NFKB1: variants seen among roughly 807,000 people sequenced by gnomAD.
The protein encoded by NFKB1 is nuclear factor kappa B subunit 1.
A neutral mutation model predicts 105.1 loss-of-function variants in NFKB1; 9 were observed. The observed-to-expected ratio is 0.09, with a 90% CI of 0.05 to 0.15. The LOEUF is 0.15. Among genes scored for constraint, NFKB1 ranks in the 10% least tolerant of loss-of-function variants. The probability of loss-of-function intolerance (pLI) is 1.00; values close to 1 mark genes in which losing one functional copy is unlikely to be tolerated. For synonymous variants in NFKB1, 440 were observed against 442.2 expected, an observed-to-expected ratio of 1.00 and a Z score of 0.06; for missense variants, 830 against 1,203.7, an observed-to-expected ratio of 0.69 and a Z score of 4.59.
intron 6 of NFKB1, among the ~76,000 whole-genome samples, chr4:102,567,494 C>T (rs1304433574): frequency 1.3e-5 from 2 of 152,134 alleles, no homozygotes; most frequent in African/African-American, 2.4e-5. Flanking sequence ...TTTAAAGAAA[C>T]ATAACTATAG....
Position 102,529,884 on chromosome 4 carries a change from G to A in NFKB1, c.88G>A (p.Val30Ile), listed in dbSNP as rs899498254. 10 of 1,610,592 alleles carry A rather than the reference G, an allele frequency of 6.2e-6. No homozygotes were observed. The African/African-American group carries it at 9.4e-5, about 15-fold the overall frequency. Residue 30 changes from valine to isoleucine, a missense_variant, in exon 3 of 24, where the codon GTA becomes ATA. Val to Ile is a conservative substitution (Grantham distance 29, BLOSUM62 3). Transcript: ENST00000226574. ...SLTHTIFNPE[V>I]FQPQMALPTA... ...GACTCATACAATATTTAATCCAGAA[G>A]TATTTCAACCACAGATGGCACTGCC...
At position 102,616,728 on chromosome 4, in the gene NFKB1, A is replaced by G. The variant is rs1728977307; in HGVS notation, c.*134A>G. ...CCTGAATCATTCTCGATTTAACTCG[A>G]GACCTTTTCAACTTGGCTTCCTTTC... On this transcript the variant is annotated 3_prime_UTR_variant, in exon 24 of 24. Coordinates refer to ENST00000226574, the MANE Select transcript of NFKB1 (RefSeq NM_003998.4). 2 of 896,906 alleles carry G rather than the reference A, an allele frequency of 2.2e-6. No homozygotes were observed. Among genetic ancestry groups the G allele is most frequent in the Non-Finnish European group, 3.3e-6 (2 of 610,382 alleles). 55.6% of individuals were successfully genotyped at this position (896,906 alleles called of 1,614,324 possible).
rs572020456 is a variant in NFKB1 at position 102,565,153 on chromosome 4, TA to T, written c.259-1831del. On this transcript the variant is annotated intron_variant, in intron 5 of 23. Transcript: ENST00000226574. ...TTTATACCCAGAGTTTTTTTTTTTT[TA>T]AATGTTATACCTGTTTAAGAAATTT... Among the ~76,000 whole-genome samples, 400 of 142,884 alleles carry T rather than the reference TA, an allele frequency of 2.8e-3. 1 individual carries two copies. The highest frequency in any genetic ancestry group is 9.0e-3 in the African/African-American group (342 of 38,080). 93.7% of individuals were successfully genotyped at this position (142,884 alleles called of 152,430 possible).
At chr4:102,507,384 A>G (rs151151954) in intron 1 of NFKB1, among the ~76,000 whole-genome samples, 1 of 152,316 alleles carries the variant, frequency 6.6e-6, no homozygotes, top group African/African-American at 2.4e-5. Flanking sequence ...AAATGTATGG[A>G]CAATTCATGC....
intron 5 of NFKB1, among the ~76,000 whole-genome samples, chr4:102,554,745 C>T (rs1722859627): frequency 6.6e-6 from 1 of 152,066 alleles, no homozygotes; most frequent in South Asian, 2.1e-4. Flanking sequence ...AATGTGAGAT[C>T]ACACAGGGCC....
intron 5 of NFKB1, among the ~76,000 whole-genome samples, chr4:102,550,119 T>C (rs1722461920): frequency 6.6e-6 from 1 of 152,162 alleles, no homozygotes; most frequent in Admixed American, 6.6e-5. Context: ...CGTGGATTCT[T>C]TTGTTATTCA....
At position 102,501,494 on chromosome 4, in the gene NFKB1, C is replaced by A. The variant is rs530705685; in HGVS notation, c.-302C>A. 6.7e-6 allele frequency: 1 copy of A among 150,044 alleles called. No homozygotes were observed. Among genetic ancestry groups the A allele is most frequent in the South Asian group, 2.1e-4 (1 of 4,864 alleles). The allele number at this position is 150,044 out of a possible 1,614,324, so 9.3% of individuals were successfully genotyped here. On this transcript the variant is annotated 5_prime_UTR_variant, in exon 1 of 24. Coordinates refer to ENST00000226574, the MANE Select transcript of NFKB1 (RefSeq NM_003998.4). ...GCAGCCCTCGGCCTGCACGCAGCCA[C>A]CGGCCCCGCTCCCGGAGCCCAGCGC...
At chr4:102,616,368 A>G (rs1728940700) in intron 23 of NFKB1, 66 bp from the exon 24 acceptor site, 2 of 1,567,294 alleles carry the variant, frequency 1.3e-6, no homozygotes. Context: ...AGTTGTCCAC[A>G]GAATAGTCCA....
rs916302820 is a variant in NFKB1, at chr4:102,517,136, G to T, written c.-7-8376G>T. Among the ~76,000 whole-genome samples, 79 of 152,168 alleles carry T rather than the reference G, an allele frequency of 5.2e-4. 4 individuals carry two copies. The highest frequency in any genetic ancestry group is 1.5e-5 in the Non-Finnish European group (1 of 68,036). ...GATGACCCCTATGTAGATTTCTGAG[G>T]CTCTTGCTTTTTGTGTAAAGCCTTT... On this transcript the variant is annotated intron_variant, in intron 1 of 23. Coordinates refer to ENST00000226574, the MANE Select transcript of NFKB1 (RefSeq NM_003998.4).
chr4:102,504,855 G>A (rs2149092620), intron 1 of NFKB1, among the ~76,000 whole-genome samples: 1 of 152,292 alleles, frequency 6.6e-6, no homozygotes, highest in South Asian at 2.1e-4. Flanking sequence ...AGTCCTGCAA[G>A]TCAGTTTGGC....
At chr4:102,566,922 T>A in intron 5 of NFKB1, 65 bp from the exon 6 acceptor site, 1 of 1,544,606 alleles carries the variant, frequency 6.5e-7, no homozygotes, top group Non-Finnish European at 8.9e-7. Flanking sequence ...TGGCTTATCA[T>A]AAACATGTTT....
At chr4:102,551,538 A>G (rs779247355) in intron 5 of NFKB1, among the ~76,000 whole-genome samples, 22 of 152,298 alleles carry the variant, frequency 1.4e-4, no homozygotes, top group Non-Finnish European at 2.6e-4. Flanking sequence ...CTGCTATCTC[A>G]GTCACCGTAA....
chr4:102,549,391 TTATA>T (rs1364121984), intron 5 of NFKB1, among the ~76,000 whole-genome samples: 1 of 148,488 alleles, frequency 6.7e-6, no homozygotes, highest in African/African-American at 2.4e-5. Context: ...ATATATGTAT[TTATA>T]TATGTACATT....
intron 7 of NFKB1, chr4:102,578,649 G>C (rs903313996): frequency 3.8e-6 from 2 of 523,104 alleles, no homozygotes; most frequent in South Asian, 3.2e-5. Context: ...TCTGATACAC[G>C]GAAGAGAGTT....
At chr4:102,609,677 G>A (rs1269434815) in intron 19 of NFKB1, among the ~76,000 whole-genome samples, 1 of 148,810 alleles carries the variant, frequency 6.7e-6, no homozygotes, top group Non-Finnish European at 1.5e-5. Flanking sequence ...CTTTGGTCCT[G>A]TAAATTGTTC....
At chr4:102,611,407 A>G (rs1441622458) in intron 20 of NFKB1, among the ~76,000 whole-genome samples, 1 of 152,148 alleles carries the variant, frequency 6.6e-6, no homozygotes, top group African/African-American at 2.4e-5. Context: ...CTTGCCACAG[A>G]ACACAAAAAG....
chr4:102,565,410 G>A (rs187642130), intron 5 of NFKB1, among the ~76,000 whole-genome samples: 68 of 152,218 alleles, frequency 4.5e-4, no homozygotes, highest in Admixed American at 1.5e-3. Flanking sequence ...AAACCCTCTG[G>A]GGAATAATGC....
At position 102,607,760 on chromosome 4, in the gene NFKB1, G is replaced by C. The variant is rs1306611773; in HGVS notation, c.2227+9G>C. On this transcript the variant is annotated intron_variant, in intron 19 of 23. Transcript: ENST00000226574. Reference sequence around the variant, plus strand: ...TCTTCTCAAAGCAGCAGGTAAGATGGTGATCTGGCGGTCATTAATGAAAAA... The same window carrying C: ...TCTTCTCAAAGCAGCAGGTAAGATGCTGATCTGGCGGTCATTAATGAAAAA... The C allele has an allele frequency of 1.2e-6, 2 of 1,612,196 alleles. No individual in the cohort carries two copies. The highest frequency in any genetic ancestry group is 2.7e-5 in the African/African-American group (2 of 74,912).
intron 5 of NFKB1, among the ~76,000 whole-genome samples, chr4:102,561,063 GAA>G (rs897850732): frequency 6.6e-6 from 1 of 152,150 alleles, no homozygotes; most frequent in Non-Finnish European, 1.5e-5. Flanking sequence ...GACAGAGAAA[GAA>G]GAGACTAACT....
Sources: allele counts gnomAD v4.1 joint callset (sites outside exome capture counted in the v4.1 genomes callset), GRCh38; gene constraint gnomAD v4.1.1; transcripts MANE v1.5; gene names NCBI Gene and HGNC (gene_info 2026-07-23, HGNC 2026-07-21).